The following NRXN1 variants were observed in gnomAD, a reference collection of about 807,000 sequenced individuals.
NRXN1 encodes the protein neurexin 1, also known as neurexin-1.
In NRXN1, 39 loss-of-function variants were observed where a neutral mutation model predicts 150.9. That is an observed-to-expected ratio of 0.26 (90% CI 0.20 to 0.34). NRXN1 has a LOEUF of 0.34. NRXN1 is among the 10% of genes least tolerant of loss of function. The probability of loss-of-function intolerance (pLI) is 1.00; values close to 1 mark genes in which losing one functional copy is unlikely to be tolerated. For missense variants in NRXN1, 1,815 were observed against 1,949.9 expected (o/e 0.93, Z 1.30); for synonymous variants, 924 against 757.0 (o/e 1.22, Z -3.62).
intron 18 of NRXN1, among the ~76,000 whole-genome samples, chr2:50,158,443 T>G (rs2059159533): frequency 6.6e-6 from 1 of 152,058 alleles, no homozygotes; most frequent in South Asian, 2.1e-4. Flanking sequence ...AATTAAACTA[T>G]GTTGGAACAG....
At chr2:50,974,525 T>C (rs933831618) in intron 2 of NRXN1, among the ~76,000 whole-genome samples, 1 of 152,146 alleles carries the variant, frequency 6.6e-6, no homozygotes, top group South Asian at 2.1e-4. Flanking sequence ...TCTTGTCTGG[T>C]AGTGGAGCTT....
intron 19 of NRXN1, among the ~76,000 whole-genome samples, chr2:50,082,728 T>C (rs537252026): frequency 4.3e-4 from 65 of 152,308 alleles, no homozygotes; most frequent in African/African-American, 1.3e-3. Context: ...TCCTACTTTA[T>C]TGAGCTCTTG....
chr2:50,389,895 A>G (rs534656223), intron 17 of NRXN1, among the ~76,000 whole-genome samples: 1 of 152,204 alleles, frequency 6.6e-6, no homozygotes, highest in East Asian at 1.9e-4. Flanking sequence ...ATTGCTGGTT[A>G]TACTTGGTGA....
chr2:50,146,983 C>T (rs1310274524), intron 18 of NRXN1, among the ~76,000 whole-genome samples: 1 of 151,632 alleles, frequency 6.6e-6, no homozygotes, highest in African/African-American at 2.4e-5. Context: ...ATTTTAGACC[C>T]TACATAAATA....
chr2:50,997,533 G>T (rs1699487503), intron 2 of NRXN1, among the ~76,000 whole-genome samples: 2 of 140,064 alleles, frequency 1.4e-5, no homozygotes, highest in Non-Finnish European at 3.0e-5. Context: ...TTATAGACAG[G>T]CTCTCACTCT....
intron 17 of NRXN1, among the ~76,000 whole-genome samples, chr2:50,273,362 G>A (rs1386369364): frequency 6.6e-6 from 1 of 152,146 alleles, no homozygotes; most frequent in African/African-American, 2.4e-5. Context: ...TCTCAAATGA[G>A]TTAAACAGTT....
At chr2:50,209,910 A>T (rs2062888484) in intron 18 of NRXN1, among the ~76,000 whole-genome samples, 1 of 152,038 alleles carries the variant, frequency 6.6e-6, no homozygotes, top group South Asian at 2.1e-4. Context: ...AAGTATTAAA[A>T]AATAATTGTG....
intron 9 of NRXN1, among the ~76,000 whole-genome samples, chr2:50,541,743 G>GA (rs377526637): frequency 2.0e-4 from 22 of 108,338 alleles, no homozygotes; most frequent in Middle Eastern, 4.1e-3. Context: ...ATGTTTAAAA[G>GA]AAAAAAAAAA....
In NRXN1 at chr2:50,142,344, A is replaced by C. The variant is rs540347593; in HGVS notation, c.3547-50850T>G. The stretch of plus-strand genomic sequence containing the variant: ...GAAAGGGGGTGAAGAGAGGTAGGAC[A>C]GGGGGTATAAACATACAGTTAGATG... On this transcript the variant is annotated intron_variant, in intron 18 of 22. Coordinates refer to ENST00000401669, the MANE Select transcript of NRXN1 (RefSeq NM_001330078.2). Among the ~76,000 whole-genome samples, 3 of 151,924 alleles carry C rather than the reference A, an allele frequency of 2.0e-5. 1 individual carries two copies. In the South Asian group the frequency reaches 6.2e-4, roughly 31 times the overall value.
intron 21 of NRXN1, among the ~76,000 whole-genome samples, chr2:49,953,967 T>G (rs963845849): frequency 6.6e-6 from 1 of 152,004 alleles, no homozygotes; most frequent in Non-Finnish European, 1.5e-5. Flanking sequence ...GGCACATGTA[T>G]ACCTATGTAA....
chr2:50,424,464 C>T (rs1429165333), intron 17 of NRXN1, among the ~76,000 whole-genome samples: 1 of 152,014 alleles, frequency 6.6e-6, no homozygotes, highest in Non-Finnish European at 1.5e-5. Flanking sequence ...AGACACTCTG[C>T]TTGTCTCTTG....
chr2:50,157,463 G>A (rs1213957066), intron 18 of NRXN1, among the ~76,000 whole-genome samples: 3 of 151,988 alleles, frequency 2.0e-5, no homozygotes, highest in Non-Finnish European at 4.4e-5. Context: ...TTTTATTCAT[G>A]AGCCAACATT....
intron 13 of NRXN1, among the ~76,000 whole-genome samples, chr2:50,501,434 C>A (rs1398329896): frequency 1.2e-5 from 1 of 86,252 alleles, no homozygotes; most frequent in East Asian, 2.7e-4. Context: ...TGTTTATTCC[C>A]TTTGTGGGTG....
intron 17 of NRXN1, among the ~76,000 whole-genome samples, chr2:50,380,332 A>C (rs1038093409): frequency 6.6e-6 from 1 of 151,730 alleles, no homozygotes; most frequent in South Asian, 2.1e-4. Context: ...AAGAGAATCT[A>C]TCTTAACTCT....
At chr2:50,293,356 G>A (rs1037655623) in intron 17 of NRXN1, among the ~76,000 whole-genome samples, 2 of 152,078 alleles carry the variant, frequency 1.3e-5, no homozygotes, top group African/African-American at 4.8e-5. Flanking sequence ...ATACTTCTCT[G>A]AGGGAAGTAG....
intron 5 of NRXN1, among the ~76,000 whole-genome samples, chr2:50,821,730 T>G (rs1290337552): frequency 6.6e-6 from 1 of 152,064 alleles, no homozygotes; most frequent in South Asian, 2.1e-4. Flanking sequence ...ATGTGCACAT[T>G]GCACACGTGA....
At chr2:50,271,780 T>A (rs2069694819) in intron 17 of NRXN1, among the ~76,000 whole-genome samples, 1 of 152,108 alleles carries the variant, frequency 6.6e-6, no homozygotes, top group Non-Finnish European at 1.5e-5. Flanking sequence ...TTTTGGTGAA[T>A]AACAGTACAA....
intron 18 of NRXN1, among the ~76,000 whole-genome samples, chr2:50,136,235 G>C (rs947019370): frequency 3.1e-4 from 47 of 152,092 alleles, no homozygotes; most frequent in African/African-American, 1.1e-3. Context: ...AGTTGAGCAA[G>C]CCTGACTTAC....
chr2:50,618,261 C>T (rs936674806), intron 8 of NRXN1, among the ~76,000 whole-genome samples: 1 of 152,126 alleles, frequency 6.6e-6, no homozygotes, highest in African/African-American at 2.4e-5. Flanking sequence ...TATTCTTTTA[C>T]CATACCTGAT....
Sources: gnomAD v4.1 joint callset for allele counts (sites outside exome capture counted in the v4.1 genomes callset) on GRCh38, gnomAD v4.1.1 for gene constraint, MANE v1.5 for transcripts, NCBI Gene and HGNC (gene_info 2026-07-23, HGNC 2026-07-21) for gene names.